TACC2: variants seen among roughly 807,000 people sequenced by gnomAD.
TACC2 encodes transforming acidic coiled-coil-containing protein 2.
TACC2 carries 137 observed loss-of-function variants against 227.3 expected under a neutral mutation model. The observed-to-expected ratio is 0.60, with a 90% CI of 0.52 to 0.69. The LOEUF (loss-of-function observed/expected upper bound fraction) is 0.69, where lower values mean the gene tolerates loss of function less well. Ranked by LOEUF, TACC2 falls within the 30% of genes least tolerant of loss-of-function variation. The pLI, the probability that TACC2 is intolerant of heterozygous loss-of-function variation, is 0.00. For missense variants in TACC2, 3,470 were observed against 3,694.4 expected, an observed-to-expected ratio of 0.94 and a Z score of 1.57; for synonymous variants, 1,523 against 1,487.5, an observed-to-expected ratio of 1.02 and a Z score of -0.55.
chr10:122,086,379 C>A lies in TACC2; in HGVS notation c.3879C>A (p.Pro1293=), dbSNP rs148992015. The A allele has an allele frequency of 5.0e-6, 8 of 1,613,546 alleles. No individual in the cohort carries two copies. The highest frequency in any genetic ancestry group is 5.1e-6 in the Non-Finnish European group (6 of 1,180,018). The change falls in exon 4 of 23, where the codon CCC becomes CCA. Residue 1293 remains proline, a synonymous_variant. Coordinates refer to ENST00000369005, the MANE Select transcript of TACC2 (RefSeq NM_206862.4). The part of the protein sequence containing the change: ...SLKLFAGSLA[P]LLQPGAAGGE... ...AGCTGTTTGCTGGCTCCCTCGCCCC[C>A]CTGTTGCAACCAGGAGCTGCAGGTG...
intron 3 of TACC2, among the ~76,000 whole-genome samples, chr10:122,054,986 G>A (rs376675042): frequency 1.3e-5 from 2 of 152,144 alleles, no homozygotes; most frequent in East Asian, 1.9e-4. Context: ...GTGGGAGGCC[G>A]ATGTGGGTGG....
chr10:122,236,505 G>C (rs2095859171), intron 16 of TACC2, among the ~76,000 whole-genome samples: 1 of 152,234 alleles, frequency 6.6e-6, no homozygotes, highest in Non-Finnish European at 1.5e-5. Context: ...GGCTGTGCTG[G>C]TCAGTGATGC....
chr10:122,080,771 G>T (rs1042596064), intron 3 of TACC2, among the ~76,000 whole-genome samples: 3 of 152,176 alleles, frequency 2.0e-5, no homozygotes, highest in Non-Finnish European at 4.4e-5. Flanking sequence ...ATGAATGCAT[G>T]TGCACTGCCT....
chr10:122,106,229 CT>C (rs2082786788), intron 5 of TACC2, among the ~76,000 whole-genome samples: 1 of 151,982 alleles, frequency 6.6e-6, no homozygotes, highest in Non-Finnish European at 1.5e-5. Context: ...CTCAGGTGAT[CT>C]GCCTACCTCA....
intron 7 of TACC2, among the ~76,000 whole-genome samples, chr10:122,144,205 G>A (rs2091072945): frequency 6.6e-6 from 1 of 152,100 alleles, no homozygotes; most frequent in African/African-American, 2.4e-5. Flanking sequence ...GCCTTCAACT[G>A]ATGGGATGAG....
chr10:122,076,877 G>A (rs1276746474), intron 3 of TACC2, among the ~76,000 whole-genome samples: 2 of 152,088 alleles, frequency 1.3e-5, no homozygotes, highest in African/African-American at 4.8e-5. Flanking sequence ...CACTTTAGGA[G>A]GCTAAGGCGG....
chr10:122,112,349 A>G (rs1032503100), intron 5 of TACC2, among the ~76,000 whole-genome samples: 2 of 152,230 alleles, frequency 1.3e-5, no homozygotes, highest in African/African-American at 2.4e-5. Flanking sequence ...TCACATGCCA[A>G]TAGATACATA....
chr10:122,042,097 G>C (rs1026833165), intron 2 of TACC2, among the ~76,000 whole-genome samples: 5 of 150,638 alleles, frequency 3.3e-5, no homozygotes, highest in Middle Eastern at 3.5e-3. Flanking sequence ...AGGCGCCCGC[G>C]ACCACGCCCG....
At chr10:122,119,749 A>G (rs141214520) in intron 5 of TACC2, among the ~76,000 whole-genome samples, 2 of 152,158 alleles carry the variant, frequency 1.3e-5, no homozygotes, top group East Asian at 3.9e-4. Flanking sequence ...CCCTGTTCCT[A>G]CTGAAAATAT....
chr10:122,200,701 A>C (rs1422112314), intron 8 of TACC2, among the ~76,000 whole-genome samples: 12 of 142,868 alleles, frequency 8.4e-5, no homozygotes, highest in Non-Finnish European at 1.8e-4. Flanking sequence ...GGCCATGTTC[A>C]CATGGGGAGG....
In TACC2 at chr10:122,143,595, C is replaced by T. The variant is rs200169711; in HGVS notation, c.5723C>T (p.Ala1908Val). 5.0e-5 allele frequency: 81 copies of T among 1,614,074 alleles called. No homozygotes were observed. Among genetic ancestry groups the T allele is most frequent in the East Asian group, 8.9e-5 (4 of 44,880 alleles). The change falls in exon 7 of 23, where the codon GCG (alanine) becomes GTG (valine). Residue 1908 changes from alanine (A) to valine (V), a missense_variant. By Grantham distance (64) the Ala-to-Val change is moderately conservative. This residue lies in a region of TACC2 where 1,924 missense variants were observed against 1,978.3 expected (regional missense o/e 0.97). Coordinates refer to ENST00000369005, the MANE Select transcript of TACC2 (RefSeq NM_206862.4). Reference sequence around the variant, plus strand: ...AGCATCTCCCCAGCTGCTGCCCATGCGGGTCTTCCTCCCTCGGCTGCAGAA... The same window carrying T: ...AGCATCTCCCCAGCTGCTGCCCATGTGGGTCTTCCTCCCTCGGCTGCAGAA... ...AQSISPAAAHAGLPPSAAEHI... is the reference protein window; with the variant it reads ...AQSISPAAAHVGLPPSAAEHI...
At chr10:122,041,398 G>T (rs182547907) in intron 2 of TACC2, among the ~76,000 whole-genome samples, 1 of 151,656 alleles carries the variant, frequency 6.6e-6, no homozygotes, top group Admixed American at 6.6e-5. Context: ...AAGTTAAGCA[G>T]CAAGAATTAA....
chr10:122,027,933 C>T (rs1290514891), intron 2 of TACC2, among the ~76,000 whole-genome samples: 8 of 151,630 alleles, frequency 5.3e-5, no homozygotes, highest in East Asian at 3.9e-4. Context: ...TTAGTAGAGA[C>T]GGGGTTTCAC....
At position 122,085,374 on chromosome 10, in the gene TACC2, C is replaced by G; in HGVS notation, c.2874C>G (p.Ser958=). ...AGGGAGCATGCGGTGATGGTCAGTC[C>G]TCGAGGGTCTCGCCTCCAGCAGCAG... ...RPEGACGDGQ[S]SRVSPPAADV... The change falls in exon 4 of 23, where the codon TCC becomes TCG. Residue 958 remains serine, a synonymous_variant. Transcript: ENST00000369005. The G allele has an allele frequency of 6.2e-7, 1 of 1,613,980 alleles. No individual in the cohort carries two copies. Among genetic ancestry groups the G allele is most frequent in the Non-Finnish European group, 8.5e-7 (1 of 1,180,044 alleles).
intron 16 of TACC2, among the ~76,000 whole-genome samples, chr10:122,232,874 T>G (rs1367699795): frequency 6.6e-6 from 1 of 152,214 alleles, no homozygotes; most frequent in Non-Finnish European, 1.5e-5. Flanking sequence ...ATTTCAGCGG[T>G]AGGTGACACA....
At chr10:122,175,127 T>C (rs533472548) in intron 7 of TACC2, among the ~76,000 whole-genome samples, 3 of 152,282 alleles carry the variant, frequency 2.0e-5, no homozygotes, top group African/African-American at 7.2e-5. Flanking sequence ...CTAATTTTTG[T>C]ATTTTTTATA....
chr10:121,994,861 G>A (rs1158289989), intron 1 of TACC2, among the ~76,000 whole-genome samples: 1 of 152,186 alleles, frequency 6.6e-6, no homozygotes, highest in East Asian at 1.9e-4. Context: ...TCCACTCCTT[G>A]TTTTTTAAGC....
chr10:122,184,339 C>T (rs147282318), intron 7 of TACC2, among the ~76,000 whole-genome samples: 42 of 152,268 alleles, frequency 2.8e-4, no homozygotes, highest in African/African-American at 1.0e-3. Context: ...GGTGTGTCTT[C>T]CCTGGCCAGT....
intron 7 of TACC2, among the ~76,000 whole-genome samples, chr10:122,167,378 A>G (rs1276051605): frequency 4.6e-5 from 7 of 152,260 alleles, no homozygotes; most frequent in Non-Finnish European, 4.4e-5. Flanking sequence ...TGGCAAGTAC[A>G]AAATGGAAGT....
Sources: allele counts gnomAD v4.1 joint callset (sites outside exome capture counted in the v4.1 genomes callset), GRCh38; gene constraint gnomAD v4.1.1; regional missense constraint gnomAD v4.1.1; transcripts MANE v1.5; gene names NCBI Gene and HGNC (gene_info 2026-07-23, HGNC 2026-07-21).